Variants in NFIA observed in about 807,000 individuals in gnomAD.
NFIA encodes the protein nuclear factor 1 A-type.
In NFIA, 8 loss-of-function variants were observed where a neutral mutation model predicts 62.8. The observed-to-expected ratio is 0.13, with a 90% CI of 0.07 to 0.23. The LOEUF (loss-of-function observed/expected upper bound fraction) is 0.23. NFIA is among the 10% of genes least tolerant of loss of function. NFIA has a pLI of 1.00. For missense variants in NFIA, 410 were observed against 642.1 expected (o/e 0.64, Z 3.91); for synonymous variants, 235 against 238.1 (o/e 0.99, Z 0.12).
intron 2 of NFIA, among the ~76,000 whole-genome samples, chr1:61,253,203 G>A (rs951552060): frequency 6.6e-6 from 1 of 152,176 alleles, no homozygotes; most frequent in East Asian, 1.9e-4. Flanking sequence ...GAGAACATAA[G>A]CAGATGACAG....
At chr1:61,140,019 C>T (rs1027508536) in intron 2 of NFIA, among the ~76,000 whole-genome samples, 6 of 152,038 alleles carry the variant, frequency 3.9e-5, no homozygotes, top group South Asian at 2.1e-4. Flanking sequence ...CCACCAAACT[C>T]GAATGATACC....
intron 2 of NFIA, among the ~76,000 whole-genome samples, chr1:61,241,355 T>G (rs541922070): frequency 1.3e-5 from 2 of 152,176 alleles, no homozygotes; most frequent in African/African-American, 4.8e-5. Context: ...TTTCGTGCAA[T>G]GTATTTAAGT....
At chr1:61,182,098 T>C (rs949426987) in intron 2 of NFIA, among the ~76,000 whole-genome samples, 1 of 152,202 alleles carries the variant, frequency 6.6e-6, no homozygotes, top group Non-Finnish European at 1.5e-5. Context: ...TTAAATTCTT[T>C]CTGTATTTGT....
chr1:61,428,574 T>C (rs1666970455), intron 10 of NFIA, among the ~76,000 whole-genome samples: 1 of 152,090 alleles, frequency 6.6e-6, no homozygotes, highest in Admixed American at 6.5e-5. Context: ...AAAAATTATG[T>C]GTTCTAAATA....
At chr1:61,332,964 G>C (rs1319920634) in intron 4 of NFIA, among the ~76,000 whole-genome samples, 1 of 151,844 alleles carries the variant, frequency 6.6e-6, no homozygotes, top group Admixed American at 6.6e-5. Context: ...AGTGAATGAA[G>C]AGTACCTGTC....
Position 61,148,920 on chromosome 1 carries a change from T to C in NFIA, c.559+60240T>C, listed in dbSNP as rs183498507. 1.1e-3 allele frequency among the ~76,000 whole-genome samples: 162 copies of C among 152,306 alleles called. 1 individual carries two copies. Among genetic ancestry groups the C allele is most frequent in the African/African-American group, 3.8e-3 (156 of 41,558 alleles). On this transcript the variant is annotated intron_variant, in intron 2 of 10. Coordinates refer to ENST00000403491, the MANE Select transcript of NFIA (RefSeq NM_001134673.4). ...CAGGGTCTTAATTTGTCACCCAGGC[T>C]GGAGTGCAATGGCACGATCCTAGCT...
At chr1:61,424,345 C>T (rs1008980172) in intron 9 of NFIA, among the ~76,000 whole-genome samples, 5 of 151,756 alleles carry the variant, frequency 3.3e-5, no homozygotes, top group Non-Finnish European at 5.9e-5. Flanking sequence ...AATGACACCC[C>T]CCCCTCAACC....
intron 10 of NFIA, among the ~76,000 whole-genome samples, chr1:61,433,774 TA>T (rs979792573): frequency 6.6e-6 from 1 of 151,928 alleles, no homozygotes; most frequent in South Asian, 2.1e-4. Flanking sequence ...CTGTATAGGT[TA>T]AAAAAAACTG....
chr1:61,245,686 G>T (rs1338103444), intron 2 of NFIA, among the ~76,000 whole-genome samples: 1 of 151,642 alleles, frequency 6.6e-6, no homozygotes, highest in Non-Finnish European at 1.5e-5. Flanking sequence ...AAGACATTTA[G>T]GTTTTTATTT....
chr1:61,189,432 C>T (rs1028321973), intron 2 of NFIA, among the ~76,000 whole-genome samples: 3 of 152,022 alleles, frequency 2.0e-5, no homozygotes, highest in African/African-American at 4.8e-5. Context: ...TTTGGGAGGC[C>T]GAGGTGGGCT....
At chr1:61,331,467 A>AT (rs958838014) in intron 3 of NFIA, among the ~76,000 whole-genome samples, 1 of 152,154 alleles carries the variant, frequency 6.6e-6, no homozygotes, top group Non-Finnish European at 1.5e-5. Flanking sequence ...TTAATAACAA[A>AT]TTTTGTTTAT....
chr1:61,081,916 G>A, upstream of NFIA: 1 of 1,549,126 alleles, frequency 6.5e-7, no homozygotes, highest in Non-Finnish European at 8.7e-7. Context: ...TACCTAGGAG[G>A]TCTGATTTTT....
At chr1:61,425,518 GA>G (rs1666826502) in intron 9 of NFIA, among the ~76,000 whole-genome samples, 1 of 152,144 alleles carries the variant, frequency 6.6e-6, no homozygotes, top group African/African-American at 2.4e-5. Context: ...TAAGACATTT[GA>G]AATTTTTAAG....
chr1:61,413,937 C>T (rs1366539689), intron 9 of NFIA, among the ~76,000 whole-genome samples: 1 of 150,576 alleles, frequency 6.6e-6, no homozygotes, highest in East Asian at 2.0e-4. Context: ...AAGTATTTTA[C>T]TTTTACAGAT....
chr1:61,082,803 G>T lies in NFIA; in HGVS notation c.12G>T (p.Pro4=). ...AGCGCCCGGCAGTTATGTATTCTCC[G>T]CTCTGTCTCACCCAGGTAAGCCGCG... MYS[P]LCLTQDEFHP... is the part of the protein sequence containing the mutation. Residue 4 remains proline, a synonymous_variant, in exon 1 of 11, where the codon CCG becomes CCT. Coordinates refer to ENST00000403491, the MANE Select transcript of NFIA (RefSeq NM_001134673.4). 6.4e-7 allele frequency: 1 copy of T among 1,550,628 alleles called. No individual in the cohort carries two copies. Among genetic ancestry groups the T allele is most frequent in the Middle Eastern group, 1.7e-4 (1 of 5,992 alleles).
At chr1:61,314,657 T>C (rs890811202) in intron 3 of NFIA, among the ~76,000 whole-genome samples, 1 of 152,188 alleles carries the variant, frequency 6.6e-6, no homozygotes, top group East Asian at 1.9e-4. Flanking sequence ...CTCCAACATA[T>C]ACACTTGACT....
intron 2 of NFIA, among the ~76,000 whole-genome samples, chr1:61,177,935 T>G (rs1650502831): frequency 6.6e-6 from 1 of 152,214 alleles, no homozygotes; most frequent in Non-Finnish European, 1.5e-5. Context: ...TAGGAGACTT[T>G]ATCCTTAGAC....
In NFIA at chr1:61,088,119, T is replaced by G; in HGVS notation, c.28-30T>G. The G allele has an allele frequency of 1.3e-6, 2 of 1,557,876 alleles. No individual in the cohort carries two copies. On this transcript the variant is annotated intron_variant, in intron 1 of 10. Transcript: ENST00000403491. This position sits in a 1 kb window ranked among gnomAD's most constrained non-coding sequence, Gnocchi z 4.5. ...TTGTTTTCTTTTGTTTTCATTCTAC[T>G]TATATTTTTCTTTTTGTTCATTTTC...
chr1:61,153,999 A>C (rs1455908681), intron 2 of NFIA, among the ~76,000 whole-genome samples: 1 of 152,196 alleles, frequency 6.6e-6, no homozygotes, highest in African/African-American at 2.4e-5. Flanking sequence ...CCTTTAGTCA[A>C]GAGCACTTTG....
Sources: gnomAD v4.1 joint callset for allele counts (sites outside exome capture counted in the v4.1 genomes callset) on GRCh38, gnomAD v4.1.1 for gene constraint, Gnocchi (gnomAD v3.1) non-coding constraint, MANE v1.5 for transcripts, NCBI Gene and HGNC (gene_info 2026-07-23, HGNC 2026-07-21) for gene names.